The following APBA1 variants were observed in gnomAD, a reference collection of about 807,000 sequenced individuals.
APBA1 encodes the protein amyloid-beta A4 precursor protein-binding family A member 1.
APBA1 carries 55 observed loss-of-function variants against 86.6 expected under a neutral mutation model. That is an observed-to-expected ratio of 0.64 (90% CI 0.51 to 0.80). The LOEUF is 0.80. Ranked by LOEUF, APBA1 falls within the 30% of genes least tolerant of loss-of-function variation. The probability of loss-of-function intolerance (pLI) is 0.00; values close to 1 mark genes in which losing one functional copy is unlikely to be tolerated. For synonymous variants in APBA1, 511 were observed against 493.9 expected, an observed-to-expected ratio of 1.03 and a Z score of -0.46; for missense variants, 1,090 against 1,183.0, an observed-to-expected ratio of 0.92 and a Z score of 1.15.
intron 1 of APBA1, among the ~76,000 whole-genome samples, chr9:69,607,885 T>G (rs937449838): frequency 6.6e-6 from 1 of 152,172 alleles, no homozygotes; most frequent in African/African-American, 2.4e-5. Context: ...ATGGGAGATA[T>G]TACCAGTACC....
At chr9:69,671,211 C>T (rs529490160) in intron 1 of APBA1, among the ~76,000 whole-genome samples, 2 of 152,264 alleles carry the variant, frequency 1.3e-5, no homozygotes, top group African/African-American at 4.8e-5. Context: ...ACATCCTTCT[C>T]CTTCTGGTCA....
intron 9 of APBA1, among the ~76,000 whole-genome samples, 175 bp downstream of exon 9, chr9:69,451,947 C>A (rs578091514): frequency 6.6e-6 from 1 of 152,292 alleles, no homozygotes; most frequent in East Asian, 1.9e-4. Flanking sequence ...AATAGCATTT[C>A]ATGACAGGGC....
intron 1 of APBA1, among the ~76,000 whole-genome samples, chr9:69,570,021 C>A (rs1837090776): frequency 6.6e-6 from 1 of 152,146 alleles, no homozygotes; most frequent in African/African-American, 2.4e-5. Context: ...GAATATTAAT[C>A]AGGGATCTAA....
At chr9:69,596,889 T>C (rs2133969784) in intron 1 of APBA1, among the ~76,000 whole-genome samples, 1 of 152,352 alleles carries the variant, frequency 6.6e-6, no homozygotes, top group African/African-American at 2.4e-5. Flanking sequence ...GAAGTGGATG[T>C]GAAGACACCT....
intron 1 of APBA1, among the ~76,000 whole-genome samples, chr9:69,547,854 T>C (rs985222503): frequency 6.6e-6 from 1 of 152,286 alleles, no homozygotes; most frequent in Admixed American, 6.5e-5. Flanking sequence ...CTGGGGTTCC[T>C]ACCAACCCAA....
intron 1 of APBA1, among the ~76,000 whole-genome samples, chr9:69,538,748 T>A (rs1164516260): frequency 6.6e-6 from 1 of 152,240 alleles, no homozygotes; most frequent in Non-Finnish European, 1.5e-5. Context: ...AAGATTCTAC[T>A]TAGAGTCCTA....
chr9:69,432,182 A>G (rs558906922), intron 12 of APBA1, among the ~76,000 whole-genome samples: 1 of 152,340 alleles, frequency 6.6e-6, no homozygotes, highest in South Asian at 2.1e-4. Context: ...ACTTGAGTCT[A>G]AGACTTAAAT....
chr9:69,471,100 G>A (rs1485601838), intron 4 of APBA1, among the ~76,000 whole-genome samples: 2 of 152,092 alleles, frequency 1.3e-5, no homozygotes, highest in African/African-American at 4.8e-5. Flanking sequence ...ATAACATGGG[G>A]ATAATAATAA....
At chr9:69,585,482 A>G (rs544282233) in intron 1 of APBA1, among the ~76,000 whole-genome samples, 54 of 152,194 alleles carry the variant, frequency 3.5e-4, no homozygotes, top group Middle Eastern at 3.4e-3. Flanking sequence ...GAGAAGGGGG[A>G]TGCCTCATGG....
chr9:69,434,930 T>A (rs1229966910), intron 11 of APBA1, among the ~76,000 whole-genome samples: 1 of 142,902 alleles, frequency 7.0e-6, no homozygotes, highest in East Asian at 2.1e-4. Context: ...TATCTCCTAA[T>A]GCTATCCCTC....
At chr9:69,515,888 GTTC>G (rs1836132221) in intron 2 of APBA1, 120 bp downstream of exon 2, 1 of 1,096,532 alleles carries the variant, frequency 9.1e-7, no homozygotes, top group East Asian at 2.8e-5. Flanking sequence ...CGGTGGAAAA[GTTC>G]TTAGCGTCCC....
intron 1 of APBA1, among the ~76,000 whole-genome samples, chr9:69,640,623 C>T (rs756774757): frequency 3.9e-5 from 6 of 151,920 alleles, no homozygotes; most frequent in African/African-American, 7.3e-5. Flanking sequence ...ATTAGTATCC[C>T]TATTTCTCAG....
chr9:69,492,091 A>G (rs530621590), intron 2 of APBA1, among the ~76,000 whole-genome samples: 1 of 152,060 alleles, frequency 6.6e-6, no homozygotes, highest in African/African-American at 2.4e-5. Flanking sequence ...TTAATTTTAT[A>G]TTGTGGCCTA....
In APBA1 at chr9:69,452,158, G is replaced by A. The variant is rs1306337286; in HGVS notation, c.1932C>T (p.Asp644=). 2.5e-6 allele frequency: 4 copies of A among 1,614,058 alleles called. No individual in the cohort carries two copies. The highest frequency in any genetic ancestry group is 4.5e-5 in the East Asian group (2 of 44,892). ...TTTCCGACTTGGAGAAGTGGATCAG[G>A]TCATCGTTGTACATGTCCTGGGTAT... The part of the protein sequence containing the change: ...LLNTQDMYND[D]LIHFSKSENC... Residue 644 remains aspartate (D), a synonymous_variant, in exon 9 of 13, where the codon GAC becomes GAT. Transcript: ENST00000265381.
chr9:69,511,243 C>G (rs1225955536), intron 2 of APBA1, among the ~76,000 whole-genome samples: 1 of 152,138 alleles, frequency 6.6e-6, no homozygotes, highest in Non-Finnish European at 1.5e-5. Context: ...CCAAACAACC[C>G]CATCAAAAAG....
At chr9:69,606,432 T>C (rs934888499) in intron 1 of APBA1, among the ~76,000 whole-genome samples, 2 of 147,580 alleles carry the variant, frequency 1.4e-5, no homozygotes, top group African/African-American at 4.9e-5. Context: ...AAGAAACTGA[T>C]GCTCAGAGAA....
chr9:69,486,043 C>G (rs1486268898), intron 2 of APBA1, among the ~76,000 whole-genome samples: 1 of 151,970 alleles, frequency 6.6e-6, no homozygotes, highest in Non-Finnish European at 1.5e-5. Flanking sequence ...CCTCTGCCTC[C>G]TGGGTTCAAG....
intron 2 of APBA1, among the ~76,000 whole-genome samples, chr9:69,486,760 C>T (rs1214133327): frequency 6.6e-6 from 1 of 152,080 alleles, no homozygotes; most frequent in East Asian, 1.9e-4. Context: ...CGGAGCCGGG[C>T]TGGGACTAGC....
Position 69,516,493 on chromosome 9 carries a change from C to A in APBA1, c.718G>T (p.Glu240Ter), listed in dbSNP as rs769740556. The A allele has an allele frequency of 1.3e-6, 2 of 1,598,834 alleles. No individual in the cohort carries two copies. The highest frequency in any genetic ancestry group is 2.2e-5 in the East Asian group (1 of 44,684). ...ALGARLHHYD[E>*]RSDGESDSPE... ...CTGTCGGACTCGCCGTCGGAGCGCT[C>A]GTCGTAATGGTGCAGCCGCGCGCCC... The change falls in exon 2 of 13, where the codon GAG (glutamate) becomes TAG (stop). Residue 240 changes from glutamate (E) to a stop codon, truncating the protein, a stop_gained. Transcript: ENST00000265381. LOFTEE classifies it high-confidence loss of function. This position sits in a 1 kb window ranked among gnomAD's most constrained non-coding sequence, Gnocchi z 7.3.
Sources: allele counts gnomAD v4.1 joint callset (sites outside exome capture counted in the v4.1 genomes callset), GRCh38; gene constraint gnomAD v4.1.1; non-coding constraint Gnocchi (gnomAD v3.1); transcripts MANE v1.5; gene names NCBI Gene and HGNC (gene_info 2026-07-23, HGNC 2026-07-21).